Variants in RGS6 observed in about 807,000 individuals in gnomAD.
The protein encoded by RGS6 is regulator of G protein signaling 6, also known as regulator of G-protein signaling 6.
Under a neutral mutation model 78.5 loss-of-function variants are expected in RGS6, and 30 were observed. The observed-to-expected ratio is 0.38, with a 90% CI of 0.29 to 0.52. The LOEUF is 0.52. Ranked by LOEUF, RGS6 falls within the 20% of genes least tolerant of loss-of-function variation. The pLI is 0.85. For synonymous variants in RGS6, 206 were observed against 206.0 expected (o/e 1.00, Z 0.00); for missense variants, 495 against 609.7 (o/e 0.81, Z 1.98).
chr14:72,122,024 A>G (rs560141524), intron 2 of RGS6, among the ~76,000 whole-genome samples: 6 of 152,174 alleles, frequency 3.9e-5, no homozygotes, highest in Non-Finnish European at 8.8e-5. Context: ...ACAGTTCCCC[A>G]TAACAAAAAA....
At chr14:72,577,193 C>A in the RGS6 span, among the ~76,000 whole-genome samples, 3 of 152,192 alleles carry the variant, frequency 2.0e-5, no homozygotes, top group Non-Finnish European at 2.9e-5. Context: ...CTGAGTGATA[C>A]AATGTTACCA....
At chr14:72,425,083 T>C (rs976362491) in intron 3 of RGS6, among the ~76,000 whole-genome samples, 2 of 152,204 alleles carry the variant, frequency 1.3e-5, no homozygotes, top group Non-Finnish European at 2.9e-5. Flanking sequence ...TCGGCAATAT[T>C]GCGAGCATAA....
intron 2 of RGS6, among the ~76,000 whole-genome samples, chr14:71,972,727 G>T (rs1270600754): frequency 6.6e-6 from 1 of 152,112 alleles, no homozygotes; most frequent in Admixed American, 6.6e-5. Flanking sequence ...CAGGAATCCA[G>T]GTGAGGAAAA....
At chr14:72,308,989 T>C (rs2067910337) in intron 2 of RGS6, among the ~76,000 whole-genome samples, 1 of 152,222 alleles carries the variant, frequency 6.6e-6, no homozygotes, top group Non-Finnish European at 1.5e-5. Flanking sequence ...GTGGCCTTAG[T>C]ATCAGTGTTT....
At chr14:71,881,604 T>C in the RGS6 span, among the ~76,000 whole-genome samples, 1 of 152,236 alleles carries the variant, frequency 6.6e-6, no homozygotes, top group East Asian at 1.9e-4. Context: ...TCTGCCACCA[T>C]GTGAGACGTG....
intron 2 of RGS6, among the ~76,000 whole-genome samples, chr14:72,251,190 G>A (rs1477425820): frequency 1.3e-5 from 2 of 152,218 alleles, no homozygotes; most frequent in African/African-American, 2.4e-5. Flanking sequence ...CAAAGCAAAC[G>A]AAGGTTGTCT....
intron 13 of RGS6, among the ~76,000 whole-genome samples, chr14:72,502,998 T>C (rs1189791568): frequency 6.6e-6 from 1 of 152,202 alleles, no homozygotes; most frequent in Non-Finnish European, 1.5e-5. Flanking sequence ...AAATGCCATA[T>C]ACTATGTGGC....
intron 1 of RGS6, among the ~76,000 whole-genome samples, chr14:71,958,725 A>G (rs1158553452): frequency 1.3e-5 from 2 of 152,178 alleles, no homozygotes; most frequent in Non-Finnish European, 2.9e-5. Flanking sequence ...GATCAAGTGA[A>G]GGGAAGGCAG....
rs181376848 is a variant in RGS6 at position 71,990,072 on chromosome 14, G to A, written c.84+25197G>A. On this transcript the variant is annotated intron_variant, in intron 2 of 17. Transcript: ENST00000553525. ...TCAGAGAAGGTCAAAGGAGAAGTGA[G>A]TACGTGTGAAGAGACACCATACCCA... Among the ~76,000 whole-genome samples, 159 of 152,300 alleles carry A rather than the reference G, an allele frequency of 1.0e-3. 1 individual carries two copies. Among genetic ancestry groups the A allele is most frequent in the Non-Finnish European group, 7.5e-4 (51 of 68,030 alleles).
intron 2 of RGS6, among the ~76,000 whole-genome samples, chr14:72,162,991 T>A (rs1019083109): frequency 6.6e-6 from 1 of 152,150 alleles, no homozygotes; most frequent in Non-Finnish European, 1.5e-5. Flanking sequence ...AAGTGGGAGC[T>A]AAGCTATGAG....
intron 2 of RGS6, among the ~76,000 whole-genome samples, chr14:72,135,857 A>G (rs911617454): frequency 1.3e-5 from 2 of 152,106 alleles, no homozygotes; most frequent in African/African-American, 4.8e-5. Context: ...TACTGTTGAA[A>G]TAGAAAAAGA....
chr14:71,971,052 T>C (rs1268231189), intron 2 of RGS6, among the ~76,000 whole-genome samples: 1 of 152,142 alleles, frequency 6.6e-6, no homozygotes, highest in Non-Finnish European at 1.5e-5. Flanking sequence ...TGAAGCTAGG[T>C]TTCTGTGATG....
chr14:72,612,607 G>T, the RGS6 span: 9 of 518,926 alleles, frequency 1.7e-5, no homozygotes, highest in African/African-American at 9.6e-5. Flanking sequence ...AAGGGAGAGG[G>T]CAGGAGGAGA....
chr14:72,095,772 C>T (rs1370483645), intron 2 of RGS6, among the ~76,000 whole-genome samples: 1 of 152,114 alleles, frequency 6.6e-6, no homozygotes, highest in African/African-American at 2.4e-5. Context: ...AATGTCATCA[C>T]CATGAAAGTG....
chr14:72,327,466 G>C (rs893409733), intron 2 of RGS6, among the ~76,000 whole-genome samples: 4 of 152,170 alleles, frequency 2.6e-5, no homozygotes, highest in African/African-American at 9.7e-5. Context: ...GTGCATTATT[G>C]TGCTTTGCTG....
At chr14:72,427,422 A>G (rs192447584) in intron 3 of RGS6, among the ~76,000 whole-genome samples, 7 of 152,338 alleles carry the variant, frequency 4.6e-5, no homozygotes, top group Admixed American at 4.6e-4. Context: ...GTGGATAAAC[A>G]GAGACTACTG....
intron 10 of RGS6, 112 bp downstream of exon 10, chr14:72,474,811 A>G: frequency 1.2e-6 from 1 of 857,478 alleles, no homozygotes; most frequent in Non-Finnish European, 1.8e-6. Context: ...TGTCATTTGA[A>G]ACCATAACCA....
rs916152211 is a variant in RGS6, at chr14:72,562,632, G to A, written c.*165G>A. 13 of 1,534,356 alleles carry A rather than the reference G, an allele frequency of 8.5e-6. No individual in the cohort carries two copies. In the African/African-American group the frequency reaches 1.7e-4, roughly 20 times the overall value. On this transcript the variant is annotated 3_prime_UTR_variant, in exon 18 of 18. Transcript: ENST00000553525. ...GGTGGGGAGACTCGGTGGGTGAATG[G>A]GGAGACCAGAAAGAAAGAGTCCACA...
chr14:72,244,465 A>G (rs2053711929), intron 2 of RGS6, among the ~76,000 whole-genome samples: 1 of 152,152 alleles, frequency 6.6e-6, no homozygotes, highest in Admixed American at 6.5e-5. Flanking sequence ...TTTGTCTCCC[A>G]AGGAGAAGGG....
Sources: gnomAD v4.1 joint callset for allele counts (sites outside exome capture counted in the v4.1 genomes callset) on GRCh38, gnomAD v4.1.1 for gene constraint, MANE v1.5 for transcripts, NCBI Gene and HGNC (gene_info 2026-07-23, HGNC 2026-07-21) for gene names.